The following FSTL5 variants were observed in gnomAD, a reference collection of about 807,000 sequenced individuals.
The protein encoded by FSTL5 is follistatin-related protein 5.
Under a neutral mutation model 89.1 loss-of-function variants are expected in FSTL5, and 62 were observed. That is an observed-to-expected ratio of 0.70 (90% CI 0.57 to 0.86). The LOEUF (loss-of-function observed/expected upper bound fraction) is 0.86. FSTL5 is among the 40% of genes least tolerant of loss of function. The pLI is 0.00. For synonymous variants in FSTL5, 383 were observed against 346.2 expected (o/e 1.11, Z -1.18); for missense variants, 1,057 against 1,001.6 (o/e 1.06, Z -0.75).
chr4:161,834,665 A>G (rs189862503), intron 4 of FSTL5, among the ~76,000 whole-genome samples: 12,940 of 150,912 alleles, frequency 0.086, 634 homozygotes, highest in African/African-American at 0.15. Flanking sequence ...ATAACAGACA[A>G]ACAGAGAGCC....
chr4:161,614,427 T>C (rs1734768282), intron 7 of FSTL5, among the ~76,000 whole-genome samples: 1 of 152,206 alleles, frequency 6.6e-6, no homozygotes, highest in African/African-American at 2.4e-5. Flanking sequence ...TCTAATATAC[T>C]GCCTGTCACA....
intron 2 of FSTL5, among the ~76,000 whole-genome samples, chr4:162,107,299 A>C (rs936696806): frequency 6.6e-6 from 1 of 152,184 alleles, no homozygotes; most frequent in African/African-American, 2.4e-5. Context: ...AATAGCAATA[A>C]AATCACTTAT....
intron 10 of FSTL5, among the ~76,000 whole-genome samples, chr4:161,512,940 A>C (rs2126503430): frequency 6.6e-6 from 1 of 152,222 alleles, no homozygotes; most frequent in South Asian, 2.1e-4. Flanking sequence ...TTACTACACA[A>C]ACAGAAAGCA....
chr4:161,958,604 C>T (rs906085284), intron 3 of FSTL5, among the ~76,000 whole-genome samples: 1 of 152,088 alleles, frequency 6.6e-6, no homozygotes, highest in African/African-American at 2.4e-5. Context: ...GTACTCTCTC[C>T]AATCTTTTGC....
intron 4 of FSTL5, among the ~76,000 whole-genome samples, chr4:161,918,646 T>G (rs1733902971): frequency 6.6e-6 from 1 of 151,882 alleles, no homozygotes; most frequent in Admixed American, 6.6e-5. Flanking sequence ...TATTTATATT[T>G]ATTTATTTAT....
chr4:161,519,708 A>AT (rs1167154551), intron 10 of FSTL5, among the ~76,000 whole-genome samples: 1 of 152,184 alleles, frequency 6.6e-6, no homozygotes. Flanking sequence ...AATGAGTGTG[A>AT]TTTTTTACAT....
At chr4:161,429,178 T>G (rs1215899467) in intron 15 of FSTL5, among the ~76,000 whole-genome samples, 1 of 152,016 alleles carries the variant, frequency 6.6e-6, no homozygotes, top group Non-Finnish European at 1.5e-5. Flanking sequence ...GTGGCTTGGA[T>G]GGCAGCTTAG....
chr4:161,424,386 TATA>T (rs1425278702), intron 15 of FSTL5, among the ~76,000 whole-genome samples: 1 of 151,916 alleles, frequency 6.6e-6, no homozygotes, highest in Non-Finnish European at 1.5e-5. Context: ...TGTTAAATGA[TATA>T]ATGTTTTTAA....
intron 6 of FSTL5, among the ~76,000 whole-genome samples, chr4:161,724,912 T>C (rs1042832625): frequency 5.9e-5 from 9 of 152,134 alleles, no homozygotes; most frequent in Non-Finnish European, 1.2e-4. Context: ...TCCTGAAAAT[T>C]GGCCAGGCGC....
intron 3 of FSTL5, among the ~76,000 whole-genome samples, chr4:161,967,697 G>A (rs995444523): frequency 2.6e-5 from 4 of 151,908 alleles, no homozygotes; most frequent in African/African-American, 7.2e-5. Context: ...GATAGTTTCT[G>A]TAGAATAAAT....
chr4:161,521,499 T>G (rs560289571), intron 10 of FSTL5, among the ~76,000 whole-genome samples: 1 of 151,886 alleles, frequency 6.6e-6, no homozygotes, highest in South Asian at 2.1e-4. Context: ...TTCTCCTTAG[T>G]TTAGAAGGAA....
intron 1 of FSTL5, among the ~76,000 whole-genome samples, chr4:162,130,724 CA>C (rs2111457144): frequency 6.8e-6 from 1 of 147,370 alleles, no homozygotes; most frequent in Non-Finnish European, 1.5e-5. Context: ...AAACTTATAA[CA>C]GCAACAAAAA....
In FSTL5 at chr4:161,678,573, AAAG is replaced by A. The variant is rs559770606; in HGVS notation, c.728-22082_728-22080del. ...CTCTATCATCACTTTTGATCAACAG[AAAG>A]AAGAATATGCATTTATCACAGCTGC... On this transcript the variant is annotated intron_variant, in intron 6 of 15. Transcript: ENST00000306100. Among the ~76,000 whole-genome samples, 904 of 151,996 alleles carry A rather than the reference AAAG, an allele frequency of 5.9e-3. 9 individuals carry two copies. Among genetic ancestry groups the A allele is most frequent in the South Asian group, 0.045 (219 of 4,824 alleles).
intron 15 of FSTL5, 117 bp downstream of exon 15, chr4:161,454,887 A>G: frequency 1.1e-6 from 1 of 892,842 alleles, no homozygotes; most frequent in East Asian, 2.7e-5. Context: ...AAGCTAAAGC[A>G]AGTTCAATTG....
At position 162,029,965 on chromosome 4, in the gene FSTL5, G is replaced by A. The variant is rs187020862; in HGVS notation, c.160+3660C>T. On this transcript the variant is annotated intron_variant, in intron 3 of 15. Transcript: ENST00000306100. ...CTTGTTCTGTCACCCAGGCTGGAGT[G>A]CAGGGGCATGATCTCAGCTCATTGC... 1.2e-3 allele frequency among the ~76,000 whole-genome samples: 176 copies of A among 150,836 alleles called. 1 individual carries two copies. The highest frequency in any genetic ancestry group is 4.1e-3 in the African/African-American group (170 of 41,030).
chr4:161,825,641 A>T (rs1189954675), intron 4 of FSTL5, among the ~76,000 whole-genome samples: 2 of 152,096 alleles, frequency 1.3e-5, no homozygotes, highest in African/African-American at 2.4e-5. Context: ...CCAGGAATTT[A>T]TCTATCTCTT....
chr4:161,620,819 T>C (rs564048504), intron 7 of FSTL5, among the ~76,000 whole-genome samples: 1 of 152,068 alleles, frequency 6.6e-6, no homozygotes, highest in Non-Finnish European at 1.5e-5. Flanking sequence ...ATGATGAATA[T>C]AACAGAAAGA....
chr4:161,871,677 A>G (rs1421799232), intron 4 of FSTL5, among the ~76,000 whole-genome samples: 1 of 152,188 alleles, frequency 6.6e-6, no homozygotes, highest in African/African-American at 2.4e-5. Context: ...TCAAAGGCTT[A>G]TTTGACCATC....
chr4:161,754,343 T>G (rs1282442309), intron 6 of FSTL5, among the ~76,000 whole-genome samples: 1 of 152,120 alleles, frequency 6.6e-6, no homozygotes, highest in Admixed American at 6.5e-5. Context: ...AAGTGTGACA[T>G]TAGAAGTTGA....
Sources: allele counts gnomAD v4.1 joint callset (sites outside exome capture counted in the v4.1 genomes callset), GRCh38; gene constraint gnomAD v4.1.1; transcripts MANE v1.5; gene names NCBI Gene and HGNC (gene_info 2026-07-23, HGNC 2026-07-21).